Variants in TRIM24 observed in about 807,000 individuals in gnomAD.
TRIM24 encodes the protein tripartite motif containing 24, also known as transcription intermediary factor 1-alpha.
TRIM24 carries 29 observed loss-of-function variants against 123.9 expected under a neutral mutation model. The ratio of observed to expected loss-of-function variants is 0.23; its 90% confidence interval spans 0.17 to 0.32. TRIM24 has a LOEUF of 0.32. Ranked by LOEUF, TRIM24 falls within the 10% of genes least tolerant of loss-of-function variation. The probability of loss-of-function intolerance (pLI) is 1.00; values close to 1 mark genes in which losing one functional copy is unlikely to be tolerated. For missense variants in TRIM24, 932 were observed against 1,295.3 expected (o/e 0.72, Z 4.31); for synonymous variants, 456 against 461.1 (o/e 0.99, Z 0.14).
At chr7:138,512,471 C>T (rs531985540) in intron 2 of TRIM24, among the ~76,000 whole-genome samples, 14 of 152,132 alleles carry the variant, frequency 9.2e-5, no homozygotes, top group Admixed American at 5.9e-4. Context: ...CCAGGCCTTT[C>T]CATAAATCTT....
At chr7:138,543,755 C>T (rs1797048229) in intron 7 of TRIM24, among the ~76,000 whole-genome samples, 1 of 152,104 alleles carries the variant, frequency 6.6e-6, no homozygotes, top group South Asian at 2.1e-4. Context: ...GTAAGAACAC[C>T]TAAAATCCAT....
chr7:138,515,418 C>G lies in TRIM24; in HGVS notation c.631+59C>G, dbSNP rs3757380. 289 of 1,570,662 alleles carry G rather than the reference C, an allele frequency of 1.8e-4. 3 individuals are homozygous for G. In the East Asian group the frequency reaches 6.5e-3, roughly 35 times the overall value. On this transcript the variant is annotated intron_variant, in intron 3 of 18. Coordinates refer to ENST00000343526, the MANE Select transcript of TRIM24 (RefSeq NM_015905.3). ...TATCTTTCCCCGTCTTTTCTTCCTT[C>G]CTGTATTGACTTGTTTTGACACATT...
chr7:138,578,550 GTGTGTGTGTGTGTGCGCGCA>G (rs1797817563), intron 14 of TRIM24, among the ~76,000 whole-genome samples: 1 of 136,796 alleles, frequency 7.3e-6, no homozygotes, highest in African/African-American at 2.6e-5. Context: ...GTGTGTGTGT[GTGTGTGTGTGTGTGCGCGCA>G]CGCACGAATG....
At chr7:138,527,369 C>T (rs1200426139) in intron 5 of TRIM24, among the ~76,000 whole-genome samples, 1 of 152,056 alleles carries the variant, frequency 6.6e-6, no homozygotes, top group Non-Finnish European at 1.5e-5. Context: ...TTGTTAAGTG[C>T]AAATTGCTTA....
intron 1 of TRIM24, among the ~76,000 whole-genome samples, chr7:138,494,352 C>T (rs928817367): frequency 6.6e-6 from 1 of 152,044 alleles, no homozygotes; most frequent in African/African-American, 2.4e-5. Flanking sequence ...CAGCTGGCCT[C>T]GAGTGACCCT....
chr7:138,537,383 T>TTTG (rs1796908368), intron 6 of TRIM24, among the ~76,000 whole-genome samples: 2 of 122,816 alleles, frequency 1.6e-5, no homozygotes, highest in African/African-American at 3.2e-5. Flanking sequence ...CTGTTTGTTT[T>TTTG]TTTTTTTTTT....
At position 138,587,754 on chromosome 7, in the gene TRIM24, C is replaced by T. The variant is rs943252655; in HGVS notation, c.*2803C>T. On this transcript the variant is annotated 3_prime_UTR_variant, in exon 19 of 19. Coordinates refer to ENST00000343526, the MANE Select transcript of TRIM24 (RefSeq NM_015905.3). ...AGGAGCTAGGATTTACTCAGTTCCA[C>T]CTCACTGACAGCTTTTCTAGGTGCC... 4 of 152,204 alleles carry T rather than the reference C, an allele frequency of 2.6e-5. No individual in the cohort carries two copies. The highest frequency in any genetic ancestry group is 2.0e-4 in the Admixed American group (3 of 15,280). The allele number at this position is 152,204 out of a possible 1,614,324, so 9.4% of individuals were successfully genotyped here. A position where few individuals can be genotyped will look rare whatever the true frequency, so the allele number is the denominator to read the frequency against.
At chr7:138,509,105 C>T (rs1398627247) in intron 2 of TRIM24, among the ~76,000 whole-genome samples, 2 of 151,784 alleles carry the variant, frequency 1.3e-5, no homozygotes, top group Admixed American at 1.3e-4. Flanking sequence ...TGTGCCACCA[C>T]ACCCAGCTAA....
At chr7:138,519,413 A>G in intron 4 of TRIM24, 92 bp downstream of exon 4, 1 of 1,451,920 alleles carries the variant, frequency 6.9e-7, no homozygotes, top group Non-Finnish European at 9.3e-7. Flanking sequence ...GCAGTCTGCA[A>G]ATAGGTTTTG....
At chr7:138,552,117 C>T (rs1255474696) in intron 8 of TRIM24, among the ~76,000 whole-genome samples, 1 of 151,954 alleles carries the variant, frequency 6.6e-6, no homozygotes, top group Non-Finnish European at 1.5e-5. Flanking sequence ...CCAGATAATT[C>T]AGTACAATTG....
In TRIM24 at chr7:138,460,556, T is replaced by C; in HGVS notation, c.8T>C (p.Val3Ala). 4 of 1,307,460 alleles carry C rather than the reference T, an allele frequency of 3.1e-6. No individual in the cohort carries two copies. The highest frequency in any genetic ancestry group is 3.9e-6 in the Non-Finnish European group (4 of 1,038,356). 81.0% of individuals were successfully genotyped at this position (1,307,460 alleles called of 1,614,324 possible). ME[V>A]AVEKAVAAAA... Reference sequence around the variant, plus strand: ...GGCGGCAAGGGCAGGACAATGGAGGTGGCGGTGGAGAAGGCGGTGGCGGCG... The same window carrying C: ...GGCGGCAAGGGCAGGACAATGGAGGCGGCGGTGGAGAAGGCGGTGGCGGCG... The change falls in exon 1 of 19, where the codon GTG (valine) becomes GCG (alanine). Residue 3 changes from valine (V) to alanine (A), a missense_variant. Val to Ala is a moderately conservative substitution (Grantham distance 64). Around this residue, in one of 7 missense-constraint regions of TRIM24, gnomAD observed 164 missense variants for 181.9 expected, o/e 0.90. Transcript: ENST00000343526.
At chr7:138,551,461 C>T (rs966669655) in intron 8 of TRIM24, among the ~76,000 whole-genome samples, 6 of 151,962 alleles carry the variant, frequency 3.9e-5, no homozygotes, top group Admixed American at 1.3e-4. Flanking sequence ...GCTGGAGGAT[C>T]GAAGAAAATA....
chr7:138,521,731 T>A (rs1208963285), intron 4 of TRIM24, among the ~76,000 whole-genome samples: 2 of 152,170 alleles, frequency 1.3e-5, no homozygotes, highest in Non-Finnish European at 2.9e-5. Flanking sequence ...AAACTCAATG[T>A]ATAAAATACT....
At chr7:138,578,238 T>C (rs777374348) in intron 14 of TRIM24, among the ~76,000 whole-genome samples, 5 of 152,156 alleles carry the variant, frequency 3.3e-5, no homozygotes, top group Non-Finnish European at 5.9e-5. Context: ...AAAAAATGTC[T>C]TAGTACATTT....
chr7:138,477,287 T>G (rs995722875), intron 1 of TRIM24, among the ~76,000 whole-genome samples: 1 of 152,122 alleles, frequency 6.6e-6, no homozygotes, highest in Admixed American at 6.5e-5. Context: ...GCCACTGCAC[T>G]CCAGCCTGGG....
intron 2 of TRIM24, among the ~76,000 whole-genome samples, chr7:138,508,517 A>G (rs989970173): frequency 6.6e-6 from 1 of 152,192 alleles, no homozygotes; most frequent in Non-Finnish European, 1.5e-5. Context: ...AGAAAGAGAA[A>G]GCTTCCTTCA....
intron 10 of TRIM24, among the ~76,000 whole-genome samples, chr7:138,570,411 A>C (rs765692929): frequency 1.3e-5 from 2 of 152,218 alleles, no homozygotes; most frequent in Non-Finnish European, 2.9e-5. Context: ...ATATATGAGA[A>C]GAGGAATATA....
rs1217762242 is a variant in TRIM24 at position 138,570,839 on chromosome 7, A to T, written c.1714A>T (p.Ser572Cys). ...AQQAIKQWQI[S>C]SGQGTPSTTN... Reference sequence around the variant, plus strand: ...CTTCTTGTTACTGTAGTGGCAGATCAGCAGTGGACAGGGAACCCCATCAAC... The same window carrying T: ...CTTCTTGTTACTGTAGTGGCAGATCTGCAGTGGACAGGGAACCCCATCAAC... Residue 572 changes from serine to cysteine, a missense_variant, in exon 11 of 19, where the codon AGC becomes TGC. Ser to Cys is a moderately radical substitution (Grantham distance 112). Around this residue, in one of 7 missense-constraint regions of TRIM24, gnomAD observed 527 missense variants for 691.3 expected, o/e 0.76. Transcript: ENST00000343526. The T allele has an allele frequency of 1.2e-6, 2 of 1,613,984 alleles. No homozygotes were observed.
chr7:138,481,771 C>G (rs1311501425), intron 1 of TRIM24, among the ~76,000 whole-genome samples: 1 of 151,998 alleles, frequency 6.6e-6, no homozygotes. Context: ...CTTCATCATA[C>G]CACAGCACTC....
Sources: gnomAD v4.1 joint callset for allele counts (sites outside exome capture counted in the v4.1 genomes callset) on GRCh38, gnomAD v4.1.1 for gene constraint, gnomAD v4.1.1 regional missense constraint, MANE v1.5 for transcripts, NCBI Gene and HGNC (gene_info 2026-07-23, HGNC 2026-07-21) for gene names.